KCNIP4: variants seen among roughly 807,000 people sequenced by gnomAD.
KCNIP4 encodes the protein potassium voltage-gated channel interacting protein 4.
KCNIP4 carries 12 observed loss-of-function variants against 34.0 expected under a neutral mutation model. The observed-to-expected ratio is 0.35, with a 90% CI of 0.23 to 0.57. The LOEUF is 0.57. Among genes scored for constraint, KCNIP4 ranks in the 20% least tolerant of loss-of-function variants. The pLI is 0.83. For missense variants in KCNIP4, 238 were observed against 311.7 expected (o/e 0.76, Z 1.78); for synonymous variants, 124 against 102.2 (o/e 1.21, Z -1.29).
At chr4:21,069,597 G>A (rs1300667268) in intron 1 of KCNIP4, among the ~76,000 whole-genome samples, 1 of 152,092 alleles carries the variant, frequency 6.6e-6, no homozygotes, top group African/African-American at 2.4e-5. Context: ...AAGTGGGAGA[G>A]GACATAGGTT....
Position 21,125,507 on chromosome 4 carries a change from G to A in KCNIP4, c.62-242798C>T, listed in dbSNP as rs147261713. On this transcript the variant is annotated intron_variant, in intron 1 of 8. Coordinates refer to ENST00000382152, the MANE Select transcript of KCNIP4 (RefSeq NM_025221.6). Reference sequence around the variant, plus strand: ...TGGGATTCCAGGTGTGAGCCAACGCGCCTGGCCCATCAGGGCTTTATTAAC... The same window carrying A: ...TGGGATTCCAGGTGTGAGCCAACGCACCTGGCCCATCAGGGCTTTATTAAC... Among the ~76,000 whole-genome samples, 774 of 152,186 alleles carry A rather than the reference G, an allele frequency of 5.1e-3. 5 individuals are homozygous for A. The highest frequency in any genetic ancestry group is 7.1e-3 in the Non-Finnish European group (486 of 68,024).
intron 1 of KCNIP4, among the ~76,000 whole-genome samples, chr4:21,215,799 TTTG>T (rs1297307834): frequency 3.9e-5 from 6 of 152,096 alleles, no homozygotes; most frequent in South Asian, 2.1e-4. Context: ...CAAGATATTC[TTTG>T]TTGTTGTTGT....
chr4:21,828,590 A>C (rs970195230), intron 1 of KCNIP4, among the ~76,000 whole-genome samples: 8 of 151,996 alleles, frequency 5.3e-5, no homozygotes, highest in Non-Finnish European at 8.8e-5. Flanking sequence ...GACCATAACA[A>C]GATTTTAAAG....
At chr4:21,009,247 G>C (rs191626791) in intron 1 of KCNIP4, among the ~76,000 whole-genome samples, 6 of 152,192 alleles carry the variant, frequency 3.9e-5, no homozygotes, top group Non-Finnish European at 8.8e-5. Context: ...TCTGGGAATA[G>C]CAAAAGGTTG....
At chr4:21,717,375 A>G (rs1478539816) in intron 1 of KCNIP4, among the ~76,000 whole-genome samples, 1 of 152,170 alleles carries the variant, frequency 6.6e-6, no homozygotes, top group Non-Finnish European at 1.5e-5. Context: ...TCACAATATT[A>G]TCTATATAAT....
chr4:20,756,199 C>A (rs534085770), intron 4 of KCNIP4, among the ~76,000 whole-genome samples: 1 of 151,280 alleles, frequency 6.6e-6, no homozygotes, highest in East Asian at 1.9e-4. Flanking sequence ...TTGGCAAGGT[C>A]AATGGCAAAG....
At chr4:21,945,364 C>T (rs576777969) in intron 1 of KCNIP4, among the ~76,000 whole-genome samples, 170 of 152,230 alleles carry the variant, frequency 1.1e-3, no homozygotes, top group Non-Finnish European at 2.1e-3. Flanking sequence ...TTGTTTAGTA[C>T]ACCTCTTACA....
At chr4:20,811,962 A>AT (rs891479017) in intron 3 of KCNIP4, among the ~76,000 whole-genome samples, 1 of 152,170 alleles carries the variant, frequency 6.6e-6, no homozygotes. Flanking sequence ...CCAGAAAAGA[A>AT]TATACCCTAA....
At chr4:21,275,325 A>G (rs1762377591) in intron 1 of KCNIP4, among the ~76,000 whole-genome samples, 1 of 152,184 alleles carries the variant, frequency 6.6e-6, no homozygotes, top group Non-Finnish European at 1.5e-5. Context: ...CCTGGGCATC[A>G]GTGTTCAGAG....
intron 1 of KCNIP4, among the ~76,000 whole-genome samples, chr4:21,915,445 G>T (rs921669893): frequency 6.6e-6 from 1 of 152,154 alleles, no homozygotes; most frequent in Non-Finnish European, 1.5e-5. Context: ...GCATCATTAT[G>T]AACATTTTGA....
At chr4:21,634,597 T>C (rs189039939) in intron 1 of KCNIP4, among the ~76,000 whole-genome samples, 1 of 152,286 alleles carries the variant, frequency 6.6e-6, no homozygotes, top group Admixed American at 6.5e-5. Context: ...TTTGCAAAGT[T>C]ATGACACATC....
intron 5 of KCNIP4, among the ~76,000 whole-genome samples, chr4:20,746,535 C>T (rs919178409): frequency 1.3e-5 from 2 of 151,920 alleles, no homozygotes; most frequent in Admixed American, 6.6e-5. Flanking sequence ...AAAAAAAATC[C>T]CCCAACTGAT....
intron 1 of KCNIP4, among the ~76,000 whole-genome samples, chr4:21,590,747 A>C (rs1742138063): frequency 6.6e-6 from 1 of 152,010 alleles, no homozygotes; most frequent in African/African-American, 2.4e-5. Context: ...ACATGTTATT[A>C]GTTTATTGTT....
At chr4:20,759,415 A>G (rs750652569) in intron 3 of KCNIP4, among the ~76,000 whole-genome samples, 1 of 152,208 alleles carries the variant, frequency 6.6e-6, no homozygotes, top group East Asian at 1.9e-4. Context: ...TTTTGTAACA[A>G]GTGACCTTGG....
At chr4:21,050,857 C>A (rs1742866860) in intron 1 of KCNIP4, among the ~76,000 whole-genome samples, 1 of 152,170 alleles carries the variant, frequency 6.6e-6, no homozygotes, top group Non-Finnish European at 1.5e-5. Flanking sequence ...GAATGATTTT[C>A]ATTCACTGGC....
intron 1 of KCNIP4, chr4:21,608,821 T>G (rs150052826): frequency 3.3e-5 from 5 of 152,338 alleles, no homozygotes; most frequent in Non-Finnish European, 7.3e-5. Flanking sequence ...CTCCGAGTTC[T>G]CAAAGAAAAT....
At chr4:21,912,099 C>A (rs1368959262) in intron 1 of KCNIP4, among the ~76,000 whole-genome samples, 1 of 151,892 alleles carries the variant, frequency 6.6e-6, no homozygotes, top group Non-Finnish European at 1.5e-5. Flanking sequence ...CGAGAGCATC[C>A]CTGGCTTTTC....
At chr4:21,365,497 A>G (rs1719661105) in intron 1 of KCNIP4, among the ~76,000 whole-genome samples, 1 of 105,574 alleles carries the variant, frequency 9.5e-6, no homozygotes, top group African/African-American at 4.0e-5. Context: ...AAATAAATAA[A>G]TAAATAAATA....
At chr4:20,793,077 A>G (rs998782234) in intron 3 of KCNIP4, among the ~76,000 whole-genome samples, 3 of 152,208 alleles carry the variant, frequency 2.0e-5, no homozygotes, top group African/African-American at 4.8e-5. Context: ...ACATTTACCC[A>G]GGGGAAAAGA....
Sources: gnomAD v4.1 joint callset for allele counts (sites outside exome capture counted in the v4.1 genomes callset) on GRCh38, gnomAD v4.1.1 for gene constraint, MANE v1.5 for transcripts, NCBI Gene and HGNC (gene_info 2026-07-23, HGNC 2026-07-21) for gene names.